Variants in CDH2 observed in about 807,000 individuals in gnomAD.
CDH2 encodes the protein cadherin-2.
Under a neutral mutation model 92.0 loss-of-function variants are expected in CDH2, and 17 were observed. That is an observed-to-expected ratio of 0.18 (90% confidence interval 0.13 to 0.28). The LOEUF is 0.28. Ranked by LOEUF, CDH2 falls within the 10% of genes least tolerant of loss-of-function variation. The pLI is 1.00. For missense variants in CDH2, 862 were observed against 1,133.1 expected (o/e 0.76, Z 3.44); for synonymous variants, 419 against 415.9 (o/e 1.01, Z -0.09).
chr18:28,023,702 C>T (rs643555), intron 2 of CDH2, among the ~76,000 whole-genome samples: 70,976 of 151,940 alleles, frequency 0.47, 16,799 homozygotes, highest in Admixed American at 0.55. Context: ...TTTTGATTTG[C>T]TCAGAATAAA....
chr18:28,146,897 T>C (rs1051352321), intron 2 of CDH2, among the ~76,000 whole-genome samples: 3 of 152,154 alleles, frequency 2.0e-5, no homozygotes, highest in Non-Finnish European at 4.4e-5. Flanking sequence ...CACATTTCAA[T>C]GACATTTTGC....
chr18:28,161,148 C>T (rs2016300689), intron 1 of CDH2, among the ~76,000 whole-genome samples: 1 of 152,198 alleles, frequency 6.6e-6, no homozygotes, highest in Non-Finnish European at 1.5e-5. Context: ...ATACCACAAG[C>T]TCTCTACTGT....
chr18:28,053,430 A>G (rs1479869364), intron 2 of CDH2, among the ~76,000 whole-genome samples: 1 of 152,188 alleles, frequency 6.6e-6, no homozygotes, highest in Non-Finnish European at 1.5e-5. Flanking sequence ...TACCTGTCAC[A>G]TGTTAAATAA....
chr18:27,936,930 C>CT (rs1909033709), intron 6 of CDH2, among the ~76,000 whole-genome samples: 1 of 152,190 alleles, frequency 6.6e-6, no homozygotes, highest in East Asian at 1.9e-4. Context: ...AAGTAAAACA[C>CT]TCTCAAGTTT....
At chr18:28,152,102 G>A (rs17495119) in intron 1 of CDH2, among the ~76,000 whole-genome samples, 2,737 of 152,160 alleles carry the variant, frequency 0.018, 93 homozygotes, top group African/African-American at 0.062. Flanking sequence ...CAGATCCCTC[G>A]AATAGTGTGT....
chr18:28,129,310 A>T (rs2015728485), intron 2 of CDH2, among the ~76,000 whole-genome samples: 1 of 152,200 alleles, frequency 6.6e-6, no homozygotes, highest in Non-Finnish European at 1.5e-5. Flanking sequence ...AACTCACAAA[A>T]CATAACCACC....
At chr18:27,997,218 C>A (rs2012611895) in intron 7 of CDH2, among the ~76,000 whole-genome samples, 1 of 151,994 alleles carries the variant, frequency 6.6e-6, no homozygotes, top group African/African-American at 2.4e-5. Flanking sequence ...ACGTGCAGCA[C>A]AATTTTGAAA....
chr18:27,998,842 A>G (rs2012672368), intron 7 of CDH2, among the ~76,000 whole-genome samples: 1 of 152,048 alleles, frequency 6.6e-6, no homozygotes, highest in African/African-American at 2.4e-5. Flanking sequence ...CTGGTCTCAA[A>G]CTCCTAGGCT....
intron 14 of CDH2, among the ~76,000 whole-genome samples, chr18:27,976,469 T>C (rs1163103933): frequency 6.6e-6 from 1 of 152,194 alleles, no homozygotes; most frequent in Non-Finnish European, 1.5e-5. Flanking sequence ...TTCTGACAAA[T>C]TCGCATGGCA....
At chr18:28,110,191 C>T (rs573684002) in intron 2 of CDH2, among the ~76,000 whole-genome samples, 18 of 152,314 alleles carry the variant, frequency 1.2e-4, no homozygotes, top group African/African-American at 3.6e-4. Flanking sequence ...CTGTTATCTC[C>T]GCTGTTTAGC....
At chr18:28,092,941 A>G (rs1004162185) in intron 2 of CDH2, among the ~76,000 whole-genome samples, 1 of 152,156 alleles carries the variant, frequency 6.6e-6, no homozygotes, top group African/African-American at 2.4e-5. Context: ...GCAAACAATG[A>G]TTTTGAATAT....
In CDH2 at chr18:27,985,205, T is replaced by C; in HGVS notation, c.2004A>G (p.Ile668Met). 6.2e-7 allele frequency: 1 copy of C among 1,611,082 alleles called. No individual in the cohort carries two copies. The highest frequency in any genetic ancestry group is 8.5e-7 in the Non-Finnish European group (1 of 1,177,318). Reference sequence around the variant, plus strand: ...CATAGATACCAGCTTCAAGAAATTTTATCTTTAAATTAAGCTGAGCAAAAT... The same window carrying C: ...CATAGATACCAGCTTCAAGAAATTTCATCTTTAAATTAAGCTGAGCAAAAT... ...NGDFAQLNLKIKFLEAGIYEV... is the reference protein window; with the variant it reads ...NGDFAQLNLKMKFLEAGIYEV... Residue 668 changes from isoleucine (I) to methionine (M), a missense_variant, in exon 13 of 16, where the codon ATA becomes ATG. This residue lies in a region of CDH2 where 564 missense variants were observed against 722.2 expected (regional missense o/e 0.78). Coordinates refer to ENST00000269141, the MANE Select transcript of CDH2 (RefSeq NM_001792.5).
chr18:28,136,907 A>G (rs1322772428), intron 2 of CDH2, among the ~76,000 whole-genome samples: 1 of 152,182 alleles, frequency 6.6e-6, no homozygotes, highest in East Asian at 1.9e-4. Context: ...AGGAATCTGC[A>G]TTTTAACAAG....
chr18:28,005,309 G>T (rs1406819944), intron 6 of CDH2, among the ~76,000 whole-genome samples: 1 of 152,172 alleles, frequency 6.6e-6, no homozygotes, highest in Non-Finnish European at 1.5e-5. Flanking sequence ...AACTGCAGGG[G>T]ACACGCTGGC....
At chr18:28,045,003 T>C (rs1212056751) in intron 2 of CDH2, among the ~76,000 whole-genome samples, 2 of 152,100 alleles carry the variant, frequency 1.3e-5, no homozygotes, top group Non-Finnish European at 2.9e-5. Flanking sequence ...TCTAAGTAGC[T>C]ACATGAAATT....
chr18:28,017,522 G>A (rs1308487440), intron 2 of CDH2, among the ~76,000 whole-genome samples: 4 of 151,950 alleles, frequency 2.6e-5, no homozygotes, highest in Non-Finnish European at 1.5e-5. Context: ...GGTTAATCTC[G>A]TTAACGGTCT....
chr18:28,101,261 C>G (rs8096975), intron 2 of CDH2, among the ~76,000 whole-genome samples: 56 of 152,190 alleles, frequency 3.7e-4, no homozygotes, highest in African/African-American at 1.2e-3. Context: ...AACTTTTGTT[C>G]AAGAGTATAG....
chr18:27,976,484 A>C (rs546504036), intron 14 of CDH2, among the ~76,000 whole-genome samples: 1 of 152,322 alleles, frequency 6.6e-6, no homozygotes, highest in South Asian at 2.1e-4. Flanking sequence ...ATGGCATTCC[A>C]AAAGGCAGTA....
At chr18:28,103,310 ATAAAG>A (rs1444225762) in intron 2 of CDH2, among the ~76,000 whole-genome samples, 1 of 143,672 alleles carries the variant, frequency 7.0e-6, no homozygotes, top group Non-Finnish European at 1.5e-5. Flanking sequence ...TTATATATAT[ATAAAG>A]TATATATATA....
Sources: allele counts gnomAD v4.1 joint callset (sites outside exome capture counted in the v4.1 genomes callset), GRCh38; gene constraint gnomAD v4.1.1; regional missense constraint gnomAD v4.1.1; transcripts MANE v1.5; gene names NCBI Gene and HGNC (gene_info 2026-07-23, HGNC 2026-07-21).